LRRC36: variants seen among roughly 807,000 people sequenced by gnomAD.
LRRC36 encodes leucine-rich repeat-containing protein 36.
LRRC36 carries 62 observed loss-of-function variants against 81.1 expected under a neutral mutation model. The observed-to-expected ratio is 0.76, with a 90% confidence interval of 0.62 to 0.94. The LOEUF (loss-of-function observed/expected upper bound fraction) is 0.94. LRRC36 is among the 40% of genes least tolerant of loss of function. The probability of loss-of-function intolerance (pLI) is 0.00; values close to 1 mark genes in which losing one functional copy is unlikely to be tolerated. For missense variants in LRRC36, 761 were observed against 881.7 expected (o/e 0.86, Z 1.73); for synonymous variants, 334 against 348.6 (o/e 0.96, Z 0.47).
At chr16:67,329,647 T>A (rs2037379262) in intron 1 of LRRC36, among the ~76,000 whole-genome samples, 1 of 152,140 alleles carries the variant, frequency 6.6e-6, no homozygotes, top group Non-Finnish European at 1.5e-5. Context: ...GCCGGGTGCG[T>A]TGGCTCATGC....
At chr16:67,354,663 T>C (rs1226023491) in intron 5 of LRRC36, among the ~76,000 whole-genome samples, 1 of 152,220 alleles carries the variant, frequency 6.6e-6, no homozygotes, top group African/African-American at 2.4e-5. Flanking sequence ...AGTTCCCATA[T>C]ACCCTACCTG....
chr16:67,344,068 C>T (rs756570619), intron 2 of LRRC36, among the ~76,000 whole-genome samples: 1 of 152,126 alleles, frequency 6.6e-6, no homozygotes, highest in Non-Finnish European at 1.5e-5. Context: ...CTGCCCACCT[C>T]AGCCTCCCAA....
chr16:67,341,022 T>G (rs2038031890), intron 1 of LRRC36, among the ~76,000 whole-genome samples: 1 of 122,278 alleles, frequency 8.2e-6, no homozygotes, highest in Non-Finnish European at 1.7e-5. Flanking sequence ...CTATAGAATA[T>G]GTACTCTACA....
intron 11 of LRRC36, 48 bp downstream of exon 11, chr16:67,376,920 A>G: frequency 1.9e-6 from 3 of 1,555,722 alleles, no homozygotes; most frequent in Non-Finnish European, 2.6e-6. Flanking sequence ...CAGCAGAACT[A>G]CAACATCTCT....
intron 4 of LRRC36, 52 bp downstream of exon 4, chr16:67,347,643 T>C (rs771428932): frequency 2.3e-6 from 3 of 1,288,032 alleles, no homozygotes; most frequent in Non-Finnish European, 3.3e-6. Context: ...ACATAGGAAA[T>C]AGTGAATTCC....
rs192943644 is a variant in LRRC36, at chr16:67,363,062, C to T, written c.578-528C>T. On this transcript the variant is annotated intron_variant, in intron 5 of 13. Transcript: ENST00000329956. ...CCTCCCAAAGTGCTGGGATTACAGG[C>T]GTGAGCCACCACGCCCAGCTTAGTT... Among the ~76,000 whole-genome samples, 502 of 152,240 alleles carry T rather than the reference C, an allele frequency of 3.3e-3. 2 individuals are homozygous for T. The highest frequency in any genetic ancestry group is 0.014 in the South Asian group (67 of 4,814).
intron 13 of LRRC36, among the ~76,000 whole-genome samples, chr16:67,383,120 CA>C (rs1226380352): frequency 2.9e-5 from 4 of 138,598 alleles, no homozygotes; most frequent in South Asian, 2.4e-4. Flanking sequence ...ACAGGCAAGG[CA>C]AAAAAAATCA....
intron 4 of LRRC36, 80 bp downstream of exon 4, chr16:67,347,671 T>G: frequency 1.0e-6 from 1 of 993,036 alleles, no homozygotes; most frequent in South Asian, 1.5e-5. Context: ...CTTTCTTCAT[T>G]TTCCAGCAGA....
intron 5 of LRRC36, among the ~76,000 whole-genome samples, chr16:67,362,707 G>A (rs28593317): frequency 2.8e-4 from 42 of 152,058 alleles, no homozygotes; most frequent in Admixed American, 1.5e-3. Flanking sequence ...GGAGACCTAA[G>A]GATTTAGCAT....
chr16:67,347,395 G>T (rs2038401644), intron 3 of LRRC36, 100 bp from the exon 4 acceptor site: 8 of 1,561,362 alleles, frequency 5.1e-6, no homozygotes, highest in Non-Finnish European at 7.0e-6. Context: ...AGATGAGACT[G>T]GTCCTAATTT....
intron 1 of LRRC36, among the ~76,000 whole-genome samples, chr16:67,332,805 CAG>C (rs2037559396): frequency 6.6e-6 from 1 of 152,122 alleles, no homozygotes. Context: ...AACAGACTCT[CAG>C]GGTGTTAGAT....
In LRRC36 at chr16:67,332,007, A is replaced by G. The variant is rs771290972; in HGVS notation, c.70+5075A>G. Among the ~76,000 whole-genome samples the G allele has an allele frequency of 1.2e-4, 18 of 152,188 alleles. No homozygotes were observed. The South Asian group carries it at 2.1e-3, about 18-fold the overall frequency. ...CCATCTCAAAAAAAAAAAGAAAAAG[A>G]AAAAGTTTTATTTATTAGAAACATT... On this transcript the variant is annotated intron_variant, in intron 1 of 13. Transcript: ENST00000329956.
intron 9 of LRRC36, among the ~76,000 whole-genome samples, chr16:67,372,609 C>G (rs966255604): frequency 6.6e-6 from 1 of 152,076 alleles, no homozygotes; most frequent in Admixed American, 6.5e-5. Flanking sequence ...TCCCTTGTAC[C>G]CAAGAACCTT....
intron 2 of LRRC36, 53 bp from the exon 3 acceptor site, chr16:67,346,203 G>T: frequency 8.9e-7 from 1 of 1,118,436 alleles, no homozygotes; most frequent in Non-Finnish European, 1.3e-6. Context: ...TTATCTATGA[G>T]GTTCCTAGTC....
chr16:67,379,889 C>T (rs1307422136), intron 12 of LRRC36, among the ~76,000 whole-genome samples: 1 of 152,082 alleles, frequency 6.6e-6, no homozygotes, highest in Non-Finnish European at 1.5e-5. Context: ...ATTTCTACAT[C>T]CTAATGTTAT....
rs143390185 is a variant in LRRC36, at chr16:67,351,338, G to A, written c.577+1048G>A. Among the ~76,000 whole-genome samples the A allele has an allele frequency of 6.3e-3, 963 of 152,018 alleles. 8 individuals carry two copies. The highest frequency in any genetic ancestry group is 0.022 in the African/African-American group (899 of 41,466). On this transcript the variant is annotated intron_variant, in intron 5 of 13. Transcript: ENST00000329956. The stretch of plus-strand genomic sequence containing the variant: ...TGTAGTTCAGACATTAAGCATTTTC[G>A]GTTTATAACATGTATTTTATTTTCT...
chr16:67,355,591 G>A (rs1350192766), intron 5 of LRRC36, among the ~76,000 whole-genome samples: 1 of 151,738 alleles, frequency 6.6e-6, no homozygotes, highest in Non-Finnish European at 1.5e-5. Flanking sequence ...AGCCGGGATG[G>A]TCTCGATCTC....
Position 67,375,295 on chromosome 16 carries a change from A to G in LRRC36, c.1543A>G (p.Ser515Gly). ...TTTGCACGGTTTGGCTGGAAACCAC[A>G]GTCCCCCCATCTCTGCCAGAACCCC... The part of the protein sequence containing the change: ...GSLHGLAGNH[S>G]PPISARTPHV... Residue 515 changes from serine (S) to glycine (G), a missense_variant, in exon 10 of 14, where the codon AGT (serine) becomes GGT (glycine). By Grantham distance (56) the Ser-to-Gly change is moderately conservative. Around this residue, in one of 3 missense-constraint regions of LRRC36, gnomAD observed 359 missense variants for 388.4 expected, o/e 0.92. Coordinates refer to ENST00000329956, the MANE Select transcript of LRRC36 (RefSeq NM_018296.6). The G allele has an allele frequency of 1.2e-6, 2 of 1,612,358 alleles. No individual in the cohort carries two copies. The highest frequency in any genetic ancestry group is 2.2e-5 in the South Asian group (2 of 91,010).
At chr16:67,365,043 G>C (rs1162943977) in intron 6 of LRRC36, 2 of 363,692 alleles carry the variant, frequency 5.5e-6, no homozygotes, top group African/African-American at 2.1e-5. Context: ...CCTTCTATGA[G>C]CTATCTAAGG....
Sources: gnomAD v4.1 joint callset for allele counts (sites outside exome capture counted in the v4.1 genomes callset) on GRCh38, gnomAD v4.1.1 for gene constraint, gnomAD v4.1.1 regional missense constraint, MANE v1.5 for transcripts, NCBI Gene and HGNC (gene_info 2026-07-23, HGNC 2026-07-21) for gene names.